Variants in SLC2A12 observed in about 807,000 individuals in gnomAD.
The protein encoded by SLC2A12 is solute carrier family 2, facilitated glucose transporter member 12.
Under a neutral mutation model 41.8 loss-of-function variants are expected in SLC2A12, and 23 were observed. The ratio of observed to expected loss-of-function variants is 0.55; its 90% CI spans 0.40 to 0.78. SLC2A12 has a LOEUF of 0.78. SLC2A12 is among the 30% of genes least tolerant of loss of function. SLC2A12 has a pLI of 0.00. For missense variants in SLC2A12, 654 were observed against 745.6 expected (o/e 0.88, Z 1.43); for synonymous variants, 295 against 285.9 (o/e 1.03, Z -0.32).
At chr6:134,042,271 T>C in intron 1 of SLC2A12, among the ~76,000 whole-genome samples, 1 of 152,054 alleles carries the variant, frequency 6.6e-6, no homozygotes, top group East Asian at 1.9e-4. Context: ...GGAAATGAAA[T>C]GGGAAGAACA....
chr6:134,006,205 CAG>C (rs1271082378), intron 3 of SLC2A12, among the ~76,000 whole-genome samples: 1 of 101,550 alleles, frequency 9.8e-6, no homozygotes, highest in Non-Finnish European at 2.1e-5. Context: ...AAAAAAAAAA[CAG>C]AGAAACAGAG....
rs1776559745 is a variant in SLC2A12, at chr6:133,987,783, A to T, written c.*3372T>A. On this transcript the variant is annotated 3_prime_UTR_variant, in exon 5 of 5. Transcript: ENST00000275230. ...TATAAACTCTAGGGAACCAGACTAG[A>T]AGTTTATAGATAAAGGATAATGTTT... 1 of 152,476 alleles carries T rather than the reference A, an allele frequency of 6.6e-6. No individual in the cohort carries two copies. The allele number at this position is 152,476 out of a possible 1,614,324, so 9.4% of individuals were successfully genotyped here. A position where few individuals can be genotyped will look rare whatever the true frequency, so the allele number is the denominator to read the frequency against.
intron 1 of SLC2A12, among the ~76,000 whole-genome samples, chr6:134,039,012 T>C (rs909887081): frequency 6.6e-6 from 1 of 152,186 alleles, no homozygotes; most frequent in Non-Finnish European, 1.5e-5. Context: ...GCCTCCTTTC[T>C]TCCTTTCTTC....
At chr6:134,051,010 C>A (rs1192934752) in intron 1 of SLC2A12, among the ~76,000 whole-genome samples, 1 of 152,108 alleles carries the variant, frequency 6.6e-6, no homozygotes, top group Admixed American at 6.5e-5. Context: ...TCACTGTAAC[C>A]TCCAAGTGAT....
Position 133,987,649 on chromosome 6 carries a change from T to TGTATAC in SLC2A12, c.*3505_*3506insGTATAC, listed in dbSNP as rs1776556031. The stretch of plus-strand genomic sequence containing the variant: ...TTGTGTGTGTGTGTGTGTGTGTGTG[T>TGTATAC]ATATATATATATATATATGCACCAC... On this transcript the variant is annotated 3_prime_UTR_variant, in exon 5 of 5. Coordinates refer to ENST00000275230, the MANE Select transcript of SLC2A12 (RefSeq NM_145176.3). 1 of 134,436 alleles carries TGTATAC rather than the reference T, an allele frequency of 7.4e-6. No homozygotes were observed. Among genetic ancestry groups the TGTATAC allele is most frequent in the African/African-American group, 3.1e-5 (1 of 31,962 alleles). 8.3% of individuals were successfully genotyped at this position (134,436 alleles called of 1,614,324 possible).
rs191627293 is a variant in SLC2A12 at position 134,006,729 on chromosome 6, A to G, written c.1567+83T>C. On this transcript the variant is annotated intron_variant, in intron 3 of 4. Coordinates refer to ENST00000275230, the MANE Select transcript of SLC2A12 (RefSeq NM_145176.3). ...AAGTGTGTTTGAAAATTTCCACGAA[A>G]AAATGGTCTTTAGGTGGGTGTGATT... 36 of 1,544,596 alleles carry G rather than the reference A, an allele frequency of 2.3e-5. No individual in the cohort carries two copies. The East Asian group carries it at 3.9e-4, about 17-fold the overall frequency.
At chr6:134,000,094 CGTTA>C (rs1341690093) in intron 4 of SLC2A12, among the ~76,000 whole-genome samples, 2 of 152,088 alleles carry the variant, frequency 1.3e-5, no homozygotes, top group Non-Finnish European at 2.9e-5. Flanking sequence ...CCAGGCAATG[CGTTA>C]GTTAGTCCAA....
At chr6:134,033,023 T>A (rs1363712969) in intron 1 of SLC2A12, among the ~76,000 whole-genome samples, 1 of 151,692 alleles carries the variant, frequency 6.6e-6, no homozygotes, top group Non-Finnish European at 1.5e-5. Flanking sequence ...TTCCAAGGCC[T>A]TAGGACAGGA....
rs747314717 is a variant in SLC2A12, at chr6:133,991,172, G to A, written c.1837C>T (p.Leu613Phe). The A allele has an allele frequency of 6.2e-6, 10 of 1,612,788 alleles. No homozygotes were observed. Among genetic ancestry groups the A allele is most frequent in the Non-Finnish European group, 7.6e-6 (9 of 1,179,712 alleles). The change falls in exon 5 of 5, where the codon CTT becomes TTT. Residue 613 changes from leucine (L) to phenylalanine (F), a missense_variant. This residue lies in a region of SLC2A12 where 134 missense variants were observed against 180.5 expected (regional missense o/e 0.74). Coordinates refer to ENST00000275230, the MANE Select transcript of SLC2A12 (RefSeq NM_145176.3). ...KLCGRGQSRQ[L>F]SPET ...TGAGGCCATTAGGTCTCTGGAGAAA[G>A]CTGCCTGGATTGGCCCCTACCACAC...
chr6:134,016,397 CA>C lies in SLC2A12; in HGVS notation c.1445-9464del, dbSNP rs200551604. Among the ~76,000 whole-genome samples, 866 of 147,818 alleles carry C rather than the reference CA, an allele frequency of 5.9e-3. 37 individuals carry two copies. In the East Asian group the frequency reaches 0.11, roughly 18 times the overall value. ...GGTTTGCTAGGCTGGGGTGTTCCCT[CA>C]AAAAAAAAAATTATGTGCAGGTGTC... On this transcript the variant is annotated intron_variant, in intron 2 of 4. Coordinates refer to ENST00000275230, the MANE Select transcript of SLC2A12 (RefSeq NM_145176.3).
intron 2 of SLC2A12, among the ~76,000 whole-genome samples, chr6:134,023,103 ATGCATATCACAGGTT>A (rs1777067387): frequency 6.6e-6 from 1 of 152,160 alleles, no homozygotes. Flanking sequence ...CCATCACAGC[ATGCATATCACAGGTT>A]TGCAACACCC....
chr6:134,033,139 GT>G (rs1777245447), intron 1 of SLC2A12, among the ~76,000 whole-genome samples: 1 of 151,930 alleles, frequency 6.6e-6, no homozygotes, highest in Admixed American at 6.6e-5. Flanking sequence ...GTGAATTTGG[GT>G]AAGTACAGAG....
At chr6:134,023,821 AT>A (rs1000583577) in intron 2 of SLC2A12, among the ~76,000 whole-genome samples, 4 of 152,166 alleles carry the variant, frequency 2.6e-5, no homozygotes, top group Middle Eastern at 3.4e-3. Context: ...ACCTTTTGAA[AT>A]TTTTTCCCCC....
chr6:134,042,150 T>C (rs1279948044), intron 1 of SLC2A12, among the ~76,000 whole-genome samples: 1 of 152,206 alleles, frequency 6.6e-6, no homozygotes, highest in African/African-American at 2.4e-5. Flanking sequence ...AATATAAAAC[T>C]GCGAAGACAA....
intron 2 of SLC2A12, among the ~76,000 whole-genome samples, chr6:134,024,340 G>A (rs1777085551): frequency 1.3e-5 from 2 of 152,228 alleles, no homozygotes; most frequent in Admixed American, 6.5e-5. Context: ...CCAAGCAGAA[G>A]CTTCAGAAGG....
chr6:133,993,521 T>C (rs1776649181), intron 4 of SLC2A12, among the ~76,000 whole-genome samples: 1 of 152,328 alleles, frequency 6.6e-6, no homozygotes, highest in East Asian at 1.9e-4. Context: ...ATGCCGAGCT[T>C]CGATTATATG....
intron 2 of SLC2A12, among the ~76,000 whole-genome samples, chr6:134,020,374 T>C (rs1777025366): frequency 6.6e-6 from 1 of 152,200 alleles, no homozygotes; most frequent in Non-Finnish European, 1.5e-5. Flanking sequence ...ACTCTCTAAA[T>C]ACCTGAGCAC....
At chr6:134,032,466 T>A (rs6931282) in intron 1 of SLC2A12, among the ~76,000 whole-genome samples, 874 of 33,048 alleles carry the variant, frequency 0.026, 59 homozygotes, top group African/African-American at 0.12. Flanking sequence ...ATATATATAT[T>A]TTTATATATA....
chr6:134,028,419 A>C lies in SLC2A12; in HGVS notation c.1406T>G (p.Leu469Arg). The C allele has an allele frequency of 6.2e-7, 1 of 1,613,770 alleles. No homozygotes were observed. Among genetic ancestry groups the C allele is most frequent in the Non-Finnish European group, 8.5e-7 (1 of 1,179,830 alleles). The part of the protein sequence containing the change: ...FLKWLSLASL[L>R]VYVAAFSIGL... ...AATTGAAAAAGCAGCAACATAAACAAGCAAGCTGGCTAAGGACAGCCATTT... is the reference window on the plus strand; with the variant it reads ...AATTGAAAAAGCAGCAACATAAACACGCAAGCTGGCTAAGGACAGCCATTT... Residue 469 changes from leucine (L) to arginine (R), a missense_variant, in exon 2 of 5, where the codon CTT (leucine) becomes CGT (arginine). Physicochemically the swap from Leu to Arg is moderately radical, Grantham distance 102 (BLOSUM62 -2). Transcript: ENST00000275230.
Sources: gnomAD v4.1 joint callset for allele counts (sites outside exome capture counted in the v4.1 genomes callset) on GRCh38, gnomAD v4.1.1 for gene constraint, gnomAD v4.1.1 regional missense constraint, MANE v1.5 for transcripts, NCBI Gene and HGNC (gene_info 2026-07-23, HGNC 2026-07-21) for gene names.